Variants in CMC1 observed in about 807,000 individuals in gnomAD.
CMC1 encodes the protein COX assembly mitochondrial protein homolog.
CMC1 carries 14 observed loss-of-function variants against 14.1 expected under a neutral mutation model. That is an observed-to-expected ratio of 0.99 (90% confidence interval 0.66 to 1.55). The LOEUF is 1.55. CMC1 is among the 40% of genes most tolerant of loss of function. The pLI is 0.00. For synonymous variants in CMC1, 50 were observed against 38.4 expected (o/e 1.30, Z -1.12); for missense variants, 127 against 123.8 (o/e 1.03, Z -0.12).
chr3:28,241,818 G>T lies in CMC1; in HGVS notation c.19+6G>T, dbSNP rs747863217. 933 of 1,238,766 alleles carry T rather than the reference G, an allele frequency of 7.5e-4. No individual in the cohort carries two copies. Among genetic ancestry groups the T allele is most frequent in the Non-Finnish European group, 9.1e-4 (902 of 988,074 alleles). 76.7% of individuals were successfully genotyped at this position (1,238,766 alleles called of 1,614,324 possible). On this transcript the variant is annotated splice_donor_region_variant and intron_variant, in intron 1 of 3. Coordinates refer to ENST00000466830, the MANE Select transcript of CMC1 (RefSeq NM_182523.2). The stretch of plus-strand genomic sequence containing the variant: ...GATGGCGCTCGACCCCGCAGGTACC[G>T]GGGCGGGAAGCGGGGTTTGCCGAGG...
intron 1 of CMC1, among the ~76,000 whole-genome samples, chr3:28,260,323 A>G (rs1189304748): frequency 6.6e-6 from 1 of 152,002 alleles, no homozygotes; most frequent in Admixed American, 6.6e-5. Context: ...TGCTTTTAGT[A>G]TCAAGGTATC....
intron 1 of CMC1, among the ~76,000 whole-genome samples, chr3:28,256,115 T>C (rs1311474141): frequency 6.6e-6 from 1 of 151,638 alleles, no homozygotes; most frequent in East Asian, 1.9e-4. Context: ...GATTCCACCA[T>C]GGAAATAATC....
intron 2 of CMC1, among the ~76,000 whole-genome samples, chr3:28,267,743 A>G (rs1302014592): frequency 6.6e-6 from 1 of 152,222 alleles, no homozygotes; most frequent in African/African-American, 2.4e-5. Flanking sequence ...TCCAAAGATA[A>G]GTGAATGAAC....
chr3:28,246,005 C>G (rs1391196347), intron 1 of CMC1, among the ~76,000 whole-genome samples: 1 of 151,948 alleles, frequency 6.6e-6, no homozygotes. Flanking sequence ...CACTTGAACT[C>G]CTTGCTCAGG....
At chr3:28,253,724 C>G in intron 1 of CMC1, 1 of 1,279,464 alleles carries the variant, frequency 7.8e-7, no homozygotes, top group Non-Finnish European at 1.0e-6. Context: ...TCATGTTTTT[C>G]CTACAGAGTA....
intron 2 of CMC1, among the ~76,000 whole-genome samples, chr3:28,277,619 C>A (rs967438128): frequency 2.0e-5 from 3 of 152,050 alleles, no homozygotes; most frequent in Admixed American, 2.0e-4. Context: ...GTTTCTAATA[C>A]GTGATCAATA....
At chr3:28,272,345 T>C (rs1475986780) in intron 2 of CMC1, among the ~76,000 whole-genome samples, 1 of 152,192 alleles carries the variant, frequency 6.6e-6, no homozygotes, top group African/African-American at 2.4e-5. Flanking sequence ...AGTATGATGT[T>C]GGCTGTGGGT....
At chr3:28,309,821 CCA>C (rs57499697) in intron 2 of CMC1, among the ~76,000 whole-genome samples, 3,129 of 131,702 alleles carry the variant, frequency 0.024, 58 homozygotes, top group African/African-American at 0.066. Flanking sequence ...CTGATATTTA[CCA>C]CACACACACA....
intron 2 of CMC1, among the ~76,000 whole-genome samples, chr3:28,309,821 C>CCA (rs57499697): frequency 0.042 from 5,517 of 131,776 alleles, 158 homozygotes; most frequent in East Asian, 0.098. Flanking sequence ...CTGATATTTA[C>CCA]CACACACACA....
intron 2 of CMC1, among the ~76,000 whole-genome samples, chr3:28,283,409 C>A (rs1347006325): frequency 1.3e-5 from 2 of 152,020 alleles, no homozygotes; most frequent in East Asian, 3.9e-4. Flanking sequence ...ATCCCGGCTA[C>A]TCAGGAGGCT....
intron 1 of CMC1, chr3:28,253,760 G>A (rs1699257358): frequency 2.3e-6 from 3 of 1,282,698 alleles, no homozygotes; most frequent in Non-Finnish European, 3.1e-6. Flanking sequence ...CTGTCTTCAG[G>A]AGCAAGTAAG....
chr3:28,269,874 C>G (rs1171094719), intron 2 of CMC1, among the ~76,000 whole-genome samples: 1 of 152,186 alleles, frequency 6.6e-6, no homozygotes, highest in Non-Finnish European at 1.5e-5. Context: ...CAATCCATAC[C>G]TAAGTATTAA....
At chr3:28,277,700 A>G (rs1700652839) in intron 2 of CMC1, among the ~76,000 whole-genome samples, 1 of 152,196 alleles carries the variant, frequency 6.6e-6, no homozygotes, top group African/African-American at 2.4e-5. Context: ...TAATTCAGAT[A>G]TCTCTGAGAA....
intron 2 of CMC1, among the ~76,000 whole-genome samples, chr3:28,285,190 A>G (rs1280136282): frequency 1.3e-5 from 2 of 152,218 alleles, no homozygotes; most frequent in African/African-American, 4.8e-5. Flanking sequence ...ATGTGTGTGT[A>G]TTCTCTGTCC....
At position 28,293,306 on chromosome 3, in the gene CMC1, A is replaced by C. The variant is rs1606387; in HGVS notation, c.110-23027A>C. 1.9e-3 allele frequency among the ~76,000 whole-genome samples: 287 copies of C among 148,890 alleles called. 4 individuals are homozygous for C. Among genetic ancestry groups the C allele is most frequent in the Middle Eastern group, 3.4e-3 (1 of 290 alleles). Reference sequence around the variant, plus strand: ...ATTTGATTAAGCTACAAATAGAGGGACTTTTTTTTTTTTTTCGAGTGGCTG... The same window carrying C: ...ATTTGATTAAGCTACAAATAGAGGGCCTTTTTTTTTTTTTTCGAGTGGCTG... On this transcript the variant is annotated intron_variant, in intron 2 of 3. Coordinates refer to ENST00000466830, the MANE Select transcript of CMC1 (RefSeq NM_182523.2).
chr3:28,303,089 G>A (rs552772680), intron 2 of CMC1, among the ~76,000 whole-genome samples: 1 of 152,148 alleles, frequency 6.6e-6, no homozygotes, highest in African/African-American at 2.4e-5. Flanking sequence ...GATAAAAATA[G>A]TGCTTACTTG....
chr3:28,259,966 G>A (rs1272416324), intron 1 of CMC1, among the ~76,000 whole-genome samples: 1 of 152,040 alleles, frequency 6.6e-6, no homozygotes, highest in Non-Finnish European at 1.5e-5. Context: ...ATTTTTTGTA[G>A]ATGCCCTTCA....
chr3:28,318,971 G>C, intron 3 of CMC1: 2 of 239,534 alleles, frequency 8.3e-6, no homozygotes, highest in South Asian at 9.4e-5. Context: ...TTTGACTTTT[G>C]CCCATTCCAT....
At chr3:28,273,398 G>A (rs1335816161) in intron 2 of CMC1, among the ~76,000 whole-genome samples, 1 of 152,090 alleles carries the variant, frequency 6.6e-6, no homozygotes, top group Non-Finnish European at 1.5e-5. Context: ...TTAGTTGTGT[G>A]GTTTTTAGTG....
Sources: gnomAD v4.1 joint callset for allele counts (sites outside exome capture counted in the v4.1 genomes callset) on GRCh38, gnomAD v4.1.1 for gene constraint, MANE v1.5 for transcripts, NCBI Gene and HGNC (gene_info 2026-07-23, HGNC 2026-07-21) for gene names.